The following TESK2 variants were observed in gnomAD, a reference collection of about 807,000 sequenced individuals.
TESK2 encodes testis associated actin remodelling kinase 2.
In TESK2, 39 loss-of-function variants were observed where a neutral mutation model predicts 57.1. The observed-to-expected ratio is 0.68, with a 90% CI of 0.53 to 0.89. The LOEUF is 0.89. Ranked by LOEUF, TESK2 falls within the 40% of genes least tolerant of loss-of-function variation. The pLI is 0.00. For synonymous variants in TESK2, 249 were observed against 267.9 expected (o/e 0.93, Z 0.69); for missense variants, 646 against 732.1 (o/e 0.88, Z 1.36).
chr1:45,407,762 C>T (rs1332162621), intron 3 of TESK2, among the ~76,000 whole-genome samples: 6 of 152,154 alleles, frequency 3.9e-5, no homozygotes, highest in African/African-American at 7.2e-5. Flanking sequence ...CGTGGAACTA[C>T]GAGTCCATTA....
intron 1 of TESK2, among the ~76,000 whole-genome samples, chr1:45,485,227 C>T (rs1387986771): frequency 6.7e-6 from 1 of 148,474 alleles, no homozygotes; most frequent in Non-Finnish European, 1.5e-5. Flanking sequence ...CTCGCTCTGT[C>T]GCCCACGCTG....
At chr1:45,410,231 T>TA (rs1316029107) in intron 3 of TESK2, among the ~76,000 whole-genome samples, 1 of 152,162 alleles carries the variant, frequency 6.6e-6, no homozygotes, top group Non-Finnish European at 1.5e-5. Flanking sequence ...GTCTTTCACC[T>TA]AGTTACCCAC....
rs1224325675 is a variant in TESK2, at chr1:45,356,876, T to C, written c.394-1427A>G. 3.9e-5 allele frequency among the ~76,000 whole-genome samples: 6 copies of C among 152,168 alleles called. No homozygotes were observed. In the East Asian group the frequency reaches 1.2e-3, roughly 29 times the overall value. ...CAGAATCCCAAGGAACAGGCAAGAA[T>C]GTCAATAGGAGAACATTCTAAATGT... On this transcript the variant is annotated intron_variant, in intron 4 of 10. Transcript: ENST00000372086.
intron 3 of TESK2, among the ~76,000 whole-genome samples, chr1:45,391,224 T>TTC (rs1378917628): frequency 2.0e-4 from 30 of 149,868 alleles, no homozygotes; most frequent in African/African-American, 6.7e-4. Flanking sequence ...CCCTTTTTTT[T>TTC]TTTTTTTTTT....
At chr1:45,467,066 T>A (rs781062) in intron 1 of TESK2, among the ~76,000 whole-genome samples, 30,876 of 151,870 alleles carry the variant, frequency 0.2, 3,450 homozygotes, top group Non-Finnish European at 0.26. Context: ...GGAAAGAAAG[T>A]GAAATGACAA....
At chr1:45,487,044 G>A (rs1480522635) in intron 1 of TESK2, among the ~76,000 whole-genome samples, 2 of 151,764 alleles carry the variant, frequency 1.3e-5, no homozygotes. Flanking sequence ...GGTCAGGCTA[G>A]TCTCGAACTC....
At position 45,386,887 on chromosome 1, in the gene TESK2, T is replaced by C. The variant is rs551982388; in HGVS notation, c.345-927A>G. On this transcript the variant is annotated intron_variant, in intron 3 of 10. Transcript: ENST00000372086. ...CAGGATGGTCTCAATCTCTTGACCTTGTGATCCACCCGCCTCGGCCTCCCA... is the reference window on the plus strand; with the variant it reads ...CAGGATGGTCTCAATCTCTTGACCTCGTGATCCACCCGCCTCGGCCTCCCA... 1.7e-3 allele frequency among the ~76,000 whole-genome samples: 262 copies of C among 151,792 alleles called. 3 individuals carry two copies. Among genetic ancestry groups the C allele is most frequent in the African/African-American group, 5.9e-3 (243 of 41,122 alleles).
chr1:45,346,682 A>C lies in TESK2; in HGVS notation c.879+11T>G. 6.2e-7 allele frequency: 1 copy of C among 1,610,710 alleles called. No individual in the cohort carries two copies. Among genetic ancestry groups the C allele is most frequent in the Non-Finnish European group, 8.5e-7 (1 of 1,177,896 alleles). On this transcript the variant is annotated intron_variant, in intron 9 of 10. Coordinates refer to ENST00000372086, the MANE Select transcript of TESK2 (RefSeq NM_007170.3). ...GCCCCTGATGAAAGGCAGAGGGAGA[A>C]AGACACTCACGTTACAGCAGTTGAA...
At chr1:45,417,551 C>CA (rs1237622579) in intron 3 of TESK2, among the ~76,000 whole-genome samples, 6 of 151,782 alleles carry the variant, frequency 4.0e-5, no homozygotes, top group Admixed American at 2.6e-4. Context: ...TGTGCACATC[C>CA]AAAAAATTGT....
chr1:45,413,637 C>T (rs1021515709), intron 3 of TESK2, among the ~76,000 whole-genome samples: 4 of 151,768 alleles, frequency 2.6e-5, no homozygotes, highest in Admixed American at 6.6e-5. Context: ...AAGCAAGAGA[C>T]CTTTTCTTCA....
intron 1 of TESK2, among the ~76,000 whole-genome samples, chr1:45,467,218 C>A (rs956767897): frequency 6.6e-6 from 1 of 152,092 alleles, no homozygotes; most frequent in African/African-American, 2.4e-5. Flanking sequence ...TGGCAAATAA[C>A]ACAAAATGAT....
intron 3 of TESK2, among the ~76,000 whole-genome samples, chr1:45,391,412 G>C (rs1037534461): frequency 1.3e-5 from 2 of 151,928 alleles, no homozygotes; most frequent in Non-Finnish European, 2.9e-5. Flanking sequence ...TAGAGCTGGG[G>C]TCTTGCTGTT....
chr1:45,384,257 A>G (rs749773341), intron 4 of TESK2, among the ~76,000 whole-genome samples: 12 of 152,120 alleles, frequency 7.9e-5, no homozygotes, highest in Admixed American at 1.3e-4. Flanking sequence ...GCTCCTTCTC[A>G]GTCTGTCCTT....
chr1:45,468,600 G>A (rs1391421409), intron 1 of TESK2, among the ~76,000 whole-genome samples: 1 of 152,098 alleles, frequency 6.6e-6, no homozygotes, highest in Non-Finnish European at 1.5e-5. Flanking sequence ...GATGGTTTCT[G>A]CCTCTGGATT....
rs571667289 is a variant in TESK2, at chr1:45,397,480, T to A, written c.345-11520A>T. ...TTTTGTGGCAGCTTACAGATCCCGA[T>A]TAAAGTCCAAATTCCTTACCATGTT... is the stretch of plus-strand genomic sequence containing the variant. On this transcript the variant is annotated intron_variant, in intron 3 of 10. Transcript: ENST00000372086. Among the ~76,000 whole-genome samples, 126 of 152,338 alleles carry A rather than the reference T, an allele frequency of 8.3e-4. No individual in the cohort carries two copies. The South Asian group carries it at 0.025, about 31-fold the overall frequency.
At chr1:45,360,439 C>T (rs935023159) in intron 4 of TESK2, among the ~76,000 whole-genome samples, 3 of 152,068 alleles carry the variant, frequency 2.0e-5, no homozygotes, top group African/African-American at 7.2e-5. Context: ...ACTGTATGTG[C>T]ACTCTCTATA....
At chr1:45,415,010 G>A (rs1321460977) in intron 3 of TESK2, 30 of 894,086 alleles carry the variant, frequency 3.4e-5, no homozygotes, top group East Asian at 5.4e-5. Context: ...CAGGAGCCCC[G>A]TACTATCAGC....
chr1:45,433,444 A>G (rs1263031764), intron 2 of TESK2, among the ~76,000 whole-genome samples: 1 of 151,716 alleles, frequency 6.6e-6, no homozygotes, highest in African/African-American at 2.4e-5. Context: ...TATCCCACGC[A>G]CCCTTCCCAG....
At chr1:45,433,065 CTTTTTTTTTTTT>C (rs150419974) in intron 2 of TESK2, among the ~76,000 whole-genome samples, 3 of 43,644 alleles carry the variant, frequency 6.9e-5, no homozygotes, top group East Asian at 8.2e-4. Flanking sequence ...CGCCCAGCCG[CTTTTTTTTTTTT>C]TTTTTTTTTT....
Sources: allele counts gnomAD v4.1 joint callset (sites outside exome capture counted in the v4.1 genomes callset), GRCh38; gene constraint gnomAD v4.1.1; transcripts MANE v1.5; gene names NCBI Gene and HGNC (gene_info 2026-07-23, HGNC 2026-07-21).